EHMT1: variants seen among roughly 807,000 people sequenced by gnomAD.
EHMT1 encodes the protein euchromatic histone lysine methyltransferase 1, also known as histone-lysine N-methyltransferase EHMT1.
In EHMT1, 15 loss-of-function variants were observed where a neutral mutation model predicts 147.2. That is an observed-to-expected ratio of 0.10 (90% CI 0.07 to 0.16). EHMT1 has a LOEUF of 0.16. Ranked by LOEUF, EHMT1 falls within the 10% of genes least tolerant of loss-of-function variation. EHMT1 has a pLI of 1.00. For synonymous variants in EHMT1, 795 were observed against 709.6 expected, an observed-to-expected ratio of 1.12 and a Z score of -1.91; for missense variants, 1,587 against 1,772.4, an observed-to-expected ratio of 0.90 and a Z score of 1.88.
intron 15 of EHMT1, among the ~76,000 whole-genome samples, chr9:137,783,751 G>A (rs373396848): frequency 6.6e-6 from 1 of 152,170 alleles, no homozygotes; most frequent in East Asian, 1.9e-4. Flanking sequence ...GAGCGACGGG[G>A]CGCACCGTCT....
In EHMT1 at chr9:137,834,884, C is replaced by T. The variant is rs750710499; in HGVS notation, c.3828C>T (p.Ser1276=). ...CGGCCCTGGCCCAGCGTCAGGCCAGCGCGGCCCAGGAGGCCCAGGAGGACG... is the reference window on the plus strand; with the variant it reads ...CGGCCCTGGCCCAGCGTCAGGCCAGTGCGGCCCAGGAGGCCCAGGAGGACG... The part of the protein sequence containing the change: ...SSAALAQRQA[S]AAQEAQEDGL... Residue 1276 remains serine (S), a synonymous_variant, in exon 27 of 27, where the codon AGC becomes AGT. Transcript: ENST00000460843. 3.7e-6 allele frequency: 6 copies of T among 1,608,060 alleles called. No individual in the cohort carries two copies. Among genetic ancestry groups the T allele is most frequent in the East Asian group, 4.5e-5 (2 of 44,722 alleles).
chr9:137,821,154 G>A (rs1418597108), intron 25 of EHMT1, among the ~76,000 whole-genome samples: 1 of 152,168 alleles, frequency 6.6e-6, no homozygotes, highest in African/African-American at 2.4e-5. Context: ...GGGATTACAG[G>A]CGTGAGCCAC....
intron 1 of EHMT1, among the ~76,000 whole-genome samples, chr9:137,670,885 C>T (rs895899356): frequency 3.3e-5 from 5 of 152,186 alleles, no homozygotes; most frequent in Admixed American, 6.5e-5. Context: ...AGGGCTTTCT[C>T]GGAGTGCAGG....
At chr9:137,667,132 C>T (rs1384926611) in intron 1 of EHMT1, 4 of 152,234 alleles carry the variant, frequency 2.6e-5, no homozygotes, top group Non-Finnish European at 5.9e-5. Context: ...TGCCATCGCT[C>T]ACGTGTCCCC....
Position 137,732,042 on chromosome 9 carries a change from C to A in EHMT1, c.823+3513C>A, listed in dbSNP as rs1413139573. On this transcript the variant is annotated intron_variant, in intron 4 of 26. Coordinates refer to ENST00000460843, the MANE Select transcript of EHMT1 (RefSeq NM_024757.5). This position sits in a 1 kb window ranked among gnomAD's most constrained non-coding sequence, Gnocchi z 4.6. ...GGGAGAGTGTGCTATAGCTCTCTTGCTGTCACCACCCACAGTACGGGCTGG... is the reference window on the plus strand; with the variant it reads ...GGGAGAGTGTGCTATAGCTCTCTTGATGTCACCACCCACAGTACGGGCTGG... 6.6e-6 allele frequency among the ~76,000 whole-genome samples: 1 copy of A among 152,248 alleles called. No individual in the cohort carries two copies. The highest frequency in any genetic ancestry group is 1.5e-5 in the Non-Finnish European group (1 of 68,032).
intron 1 of EHMT1, among the ~76,000 whole-genome samples, chr9:137,658,768 A>G (rs763424512): frequency 7.2e-5 from 11 of 152,026 alleles, no homozygotes; most frequent in Non-Finnish European, 1.5e-4. Flanking sequence ...GCATACCACC[A>G]TACCTGGCTA....
intron 4 of EHMT1, among the ~76,000 whole-genome samples, chr9:137,739,810 G>A (rs972833889): frequency 6.6e-6 from 1 of 152,216 alleles, no homozygotes; most frequent in Non-Finnish European, 1.5e-5. Flanking sequence ...TAGGTGGGTG[G>A]GAACAGTGCC....
intron 5 of EHMT1, 101 bp from the exon 6 acceptor site, chr9:137,743,801 G>A: frequency 7.1e-6 from 10 of 1,399,192 alleles, no homozygotes; most frequent in Non-Finnish European, 9.7e-6. Context: ...CTCCCCACAG[G>A]CCCTTGCACC....
At chr9:137,790,446 CAGTG>C (rs1952439059) in intron 15 of EHMT1, among the ~76,000 whole-genome samples, 1 of 152,182 alleles carries the variant, frequency 6.6e-6, no homozygotes. Context: ...AGTACTAAAT[CAGTG>C]AGAGGATGCT....
At chr9:137,760,809 ACCAT>A (rs1949746620) in intron 9 of EHMT1, among the ~76,000 whole-genome samples, 1 of 152,160 alleles carries the variant, frequency 6.6e-6, no homozygotes, top group African/African-American at 2.4e-5. Context: ...GGAGATCGAG[ACCAT>A]CCTGGCTAAC....
chr9:137,793,519 A>G (rs941340965), intron 16 of EHMT1, among the ~76,000 whole-genome samples: 8 of 152,262 alleles, frequency 5.3e-5, no homozygotes, highest in African/African-American at 1.7e-4. Flanking sequence ...TTACGCTGTG[A>G]TCTGTAGCAA....
chr9:137,725,911 C>G (rs1332320100), intron 3 of EHMT1, among the ~76,000 whole-genome samples: 1 of 152,156 alleles, frequency 6.6e-6, no homozygotes, highest in Non-Finnish European at 1.5e-5. Flanking sequence ...TTGCCTGGAA[C>G]TCTCGCTCTG....
Position 137,716,978 on chromosome 9 carries a change from G to C in EHMT1, c.438G>C (p.Ser146=). Residue 146 remains serine (S), a synonymous_variant, in exon 3 of 27, where the codon TCG becomes TCC. Coordinates refer to ENST00000460843, the MANE Select transcript of EHMT1 (RefSeq NM_024757.5). ...PLRTTSTLAS[S]LPGHAAKTLP... ...GGACTACCAGCACTCTGGCCTCTTCGCTGCCTGGCCATGCTGCAAAAACCC... is the reference window on the plus strand; with the variant it reads ...GGACTACCAGCACTCTGGCCTCTTCCCTGCCTGGCCATGCTGCAAAAACCC... The C allele has an allele frequency of 6.2e-7, 1 of 1,610,130 alleles. No individual in the cohort carries two copies. Among genetic ancestry groups the C allele is most frequent in the Non-Finnish European group, 8.5e-7 (1 of 1,177,610 alleles).
chr9:137,709,477 C>T (rs1198250013), intron 1 of EHMT1, among the ~76,000 whole-genome samples: 7 of 152,100 alleles, frequency 4.6e-5, no homozygotes, highest in Admixed American at 1.3e-4. Flanking sequence ...CAGTTAGGTC[C>T]GGTGTTACCA....
At chr9:137,721,874 T>C (rs1396793799) in intron 3 of EHMT1, among the ~76,000 whole-genome samples, 2 of 152,196 alleles carry the variant, frequency 1.3e-5, no homozygotes, top group East Asian at 3.9e-4. Context: ...AGAGCAAAGG[T>C]GTTTCATTTT....
At chr9:137,802,729 C>G in intron 18 of EHMT1, 1 of 1,032,308 alleles carries the variant, frequency 9.7e-7, no homozygotes, top group African/African-American at 1.7e-5. Flanking sequence ...TCCCTGCAGG[C>G]ACGCAGGCCT....
chr9:137,808,814 T>C (rs990082087), intron 18 of EHMT1, among the ~76,000 whole-genome samples: 13 of 152,076 alleles, frequency 8.5e-5, no homozygotes, highest in Admixed American at 8.5e-4. Flanking sequence ...TCCCAGCTAC[T>C]GGGGAGGCTA....
At position 137,776,911 on chromosome 9, in the gene EHMT1, A is replaced by C; in HGVS notation, c.2018+67A>C. 198 of 1,440,936 alleles carry C rather than the reference A, an allele frequency of 1.4e-4. No individual in the cohort carries two copies. The highest frequency in any genetic ancestry group is 2.0e-4 in the Middle Eastern group (1 of 4,940). 89.3% of individuals were successfully genotyped at this position (1,440,936 alleles called of 1,614,324 possible). ...CTGAAAAAGTTTCAGTTGTTAACTC[A>C]ACGTTATTGCTTCCTGCTGTTTTTT... On this transcript the variant is annotated intron_variant, in intron 12 of 26. Transcript: ENST00000460843. This position sits in a 1 kb window ranked among gnomAD's most constrained non-coding sequence, Gnocchi z 4.4.
intron 1 of EHMT1, among the ~76,000 whole-genome samples, chr9:137,643,995 T>C (rs1844701101): frequency 6.6e-6 from 1 of 152,230 alleles, no homozygotes; most frequent in Non-Finnish European, 1.5e-5. Context: ...TGCCATACAA[T>C]TGCAGTTGCA....
Sources: allele counts gnomAD v4.1 joint callset (sites outside exome capture counted in the v4.1 genomes callset), GRCh38; gene constraint gnomAD v4.1.1; non-coding constraint Gnocchi (gnomAD v3.1); transcripts MANE v1.5; gene names NCBI Gene and HGNC (gene_info 2026-07-23, HGNC 2026-07-21).